The following CPQ variants were observed in gnomAD, a reference collection of about 807,000 sequenced individuals.
CPQ encodes the protein carboxypeptidase Q.
CPQ carries 37 observed loss-of-function variants against 45.7 expected under a neutral mutation model. That is an observed-to-expected ratio of 0.81 (90% CI 0.62 to 1.07). The LOEUF (loss-of-function observed/expected upper bound fraction) is 1.07. CPQ is among the 50% of genes least tolerant of loss of function. The pLI, the probability that CPQ is intolerant of heterozygous loss-of-function variation, is 0.00. For synonymous variants in CPQ, 186 were observed against 205.8 expected, an observed-to-expected ratio of 0.90 and a Z score of 0.82; for missense variants, 537 against 572.9, an observed-to-expected ratio of 0.94 and a Z score of 0.64.
intron 1 of CPQ, among the ~76,000 whole-genome samples, chr8:96,718,942 C>T (rs997751254): frequency 6.6e-6 from 1 of 152,114 alleles, no homozygotes; most frequent in African/African-American, 2.4e-5. Context: ...TACAGAGTGC[C>T]GATTGCTGTA....
At chr8:96,926,564 CTCTTCCTCTTCCTCT>C (rs1310075513) in intron 4 of CPQ, among the ~76,000 whole-genome samples, 125 of 64,298 alleles carry the variant, frequency 1.9e-3, no homozygotes, top group Middle Eastern at 0.018. Flanking sequence ...CTTCCTCTTC[CTCTTCCTCTTCCTCT>C]TCTTCTTCTT....
intron 2 of CPQ, among the ~76,000 whole-genome samples, chr8:96,819,495 C>T (rs1446653127): frequency 6.6e-6 from 1 of 151,946 alleles, no homozygotes; most frequent in Admixed American, 6.6e-5. Context: ...CAGGTGGATG[C>T]CTAATAACTT....
intron 1 of CPQ, among the ~76,000 whole-genome samples, chr8:96,767,635 CTTTTTTTTTTTTTT>C (rs1172189500): frequency 7.6e-5 from 3 of 39,278 alleles, no homozygotes; most frequent in African/African-American, 1.1e-4. Context: ...GTTACCTATG[CTTTTTTTTTTTTTT>C]TTTTTTTTTT....
At chr8:96,877,044 C>T (rs1323596825) in intron 3 of CPQ, among the ~76,000 whole-genome samples, 1 of 152,064 alleles carries the variant, frequency 6.6e-6, no homozygotes, top group Non-Finnish European at 1.5e-5. Context: ...GTTATGGCTT[C>T]CTTGGTAGTT....
At chr8:96,664,068 C>T (rs971398336) in intron 1 of CPQ, among the ~76,000 whole-genome samples, 6 of 152,104 alleles carry the variant, frequency 3.9e-5, no homozygotes, top group Non-Finnish European at 7.4e-5. Flanking sequence ...ATAAAATGAT[C>T]TATGTAAAAT....
chr8:96,907,589 C>G (rs1812595393), intron 4 of CPQ, among the ~76,000 whole-genome samples: 1 of 152,032 alleles, frequency 6.6e-6, no homozygotes, highest in Non-Finnish European at 1.5e-5. Context: ...GAAAATGGAG[C>G]CAATTACTAC....
chr8:97,120,995 AT>A (rs1487838228), intron 7 of CPQ, among the ~76,000 whole-genome samples: 2 of 152,212 alleles, frequency 1.3e-5, no homozygotes, highest in African/African-American at 4.8e-5. Flanking sequence ...TCATTTCTGT[AT>A]TACAGATGAA....
intron 2 of CPQ, among the ~76,000 whole-genome samples, chr8:96,809,769 G>C (rs180794594): frequency 6.6e-6 from 1 of 151,936 alleles, no homozygotes; most frequent in Admixed American, 6.6e-5. Flanking sequence ...ATGGAACTGG[G>C]TAAAAATAGT....
intron 7 of CPQ, chr8:97,133,389 T>C (rs1322259035): frequency 6.6e-6 from 1 of 152,182 alleles, no homozygotes; most frequent in Non-Finnish European, 1.5e-5. Context: ...GTGTATAAAA[T>C]CATGAATGGG....
chr8:96,662,109 G>C (rs942681037), intron 1 of CPQ, among the ~76,000 whole-genome samples: 8 of 151,816 alleles, frequency 5.3e-5, no homozygotes, highest in African/African-American at 1.9e-4. Flanking sequence ...AAGGTCTTTG[G>C]GTCATTTTTT....
intron 3 of CPQ, among the ~76,000 whole-genome samples, chr8:96,859,009 A>G (rs373098374): frequency 6.6e-6 from 1 of 152,230 alleles, no homozygotes; most frequent in East Asian, 1.9e-4. Flanking sequence ...AGTGTCATTC[A>G]TGTATTTCTA....
At position 96,950,021 on chromosome 8, in the gene CPQ, T is replaced by C. The variant is rs563712707; in HGVS notation, c.850-15914T>C. Among the ~76,000 whole-genome samples, 10 of 152,308 alleles carry C rather than the reference T, an allele frequency of 6.6e-5. No homozygotes were observed. In the South Asian group the frequency reaches 1.9e-3, roughly 28 times the overall value. ...AATGGTGTGAATTTGCTGAATCATG[T>C]TGACCAGAAGTCTCACCATTACTTC... On this transcript the variant is annotated intron_variant, in intron 4 of 7. Transcript: ENST00000220763.
intron 6 of CPQ, among the ~76,000 whole-genome samples, chr8:97,055,049 TC>T (rs111938002): frequency 0.15 from 23,406 of 152,064 alleles, 4,483 homozygotes; most frequent in African/African-American, 0.45. Context: ...AACACCCCTG[TC>T]CCCCTGTCCA....
intron 3 of CPQ, among the ~76,000 whole-genome samples, chr8:96,865,689 G>A (rs940698551): frequency 6.6e-6 from 1 of 152,006 alleles, no homozygotes; most frequent in African/African-American, 2.4e-5. Context: ...TAGACCCGTG[G>A]GGTTTGAGAA....
chr8:96,694,369 T>C (rs536042290), intron 1 of CPQ, among the ~76,000 whole-genome samples: 83 of 151,776 alleles, frequency 5.5e-4, no homozygotes, highest in Admixed American at 1.1e-3. Context: ...ATCTGTTACC[T>C]GCTGGAAACA....
At chr8:96,848,561 T>TA (rs1811729797) in intron 3 of CPQ, among the ~76,000 whole-genome samples, 7 of 152,216 alleles carry the variant, frequency 4.6e-5, no homozygotes, top group Admixed American at 2.6e-4. Flanking sequence ...AAAACAAGAA[T>TA]AAAAAAGGAA....
chr8:96,785,601 A>G (rs1477379386), intron 2 of CPQ, among the ~76,000 whole-genome samples: 1 of 152,170 alleles, frequency 6.6e-6, no homozygotes, highest in East Asian at 1.9e-4. Context: ...ATTGCTATCT[A>G]GTTAAACATT....
intron 1 of CPQ, among the ~76,000 whole-genome samples, chr8:96,712,684 T>G (rs1459591808): frequency 1.3e-5 from 2 of 152,146 alleles, no homozygotes; most frequent in African/African-American, 4.8e-5. Flanking sequence ...TGAGGCTGCA[T>G]AGAGCATGGG....
intron 2 of CPQ, among the ~76,000 whole-genome samples, chr8:96,804,262 T>C (rs1050090369): frequency 1.3e-5 from 2 of 152,134 alleles, no homozygotes; most frequent in Admixed American, 6.6e-5. Flanking sequence ...ATAGAAAACC[T>C]TGCTAAGGCT....
Sources: allele counts gnomAD v4.1 joint callset (sites outside exome capture counted in the v4.1 genomes callset), GRCh38; gene constraint gnomAD v4.1.1; transcripts MANE v1.5; gene names NCBI Gene and HGNC (gene_info 2026-07-23, HGNC 2026-07-21).